VAV3: variants seen among roughly 807,000 people sequenced by gnomAD.
The protein encoded by VAV3 is vav guanine nucleotide exchange factor 3.
A neutral mutation model predicts 131.2 loss-of-function variants in VAV3; 94 were observed. That is an observed-to-expected ratio of 0.72 (90% confidence interval 0.61 to 0.85). The LOEUF is 0.85. Among genes scored for constraint, VAV3 ranks in the 40% least tolerant of loss-of-function variants. VAV3 has a pLI of 0.00. For synonymous variants in VAV3, 349 were observed against 342.0 expected (o/e 1.02, Z -0.22); for missense variants, 939 against 1,002.7 (o/e 0.94, Z 0.86).
intron 15 of VAV3, among the ~76,000 whole-genome samples, chr1:107,715,708 T>A (rs1661053249): frequency 6.6e-6 from 1 of 152,134 alleles, no homozygotes; most frequent in Admixed American, 6.6e-5. Flanking sequence ...GGTGGGGAGG[T>A]CTCAAAGTTC....
At chr1:107,662,124 T>C (rs545984654) in intron 19 of VAV3, among the ~76,000 whole-genome samples, 2 of 152,190 alleles carry the variant, frequency 1.3e-5, no homozygotes, top group Non-Finnish European at 2.9e-5. Context: ...AAAGAGGCTG[T>C]GTTATTTTTA....
chr1:107,613,617 TTAGTA>T (rs1652918866), intron 21 of VAV3, among the ~76,000 whole-genome samples: 1 of 152,146 alleles, frequency 6.6e-6, no homozygotes. Flanking sequence ...AATTTTGAAT[TTAGTA>T]TCTAAAATTC....
In VAV3 at chr1:107,770,712, T is replaced by C. The variant is rs61761614; in HGVS notation, c.572A>G (p.Asp191Gly). Residue 191 changes from aspartate (D) to glycine (G), a missense_variant, in exon 6 of 27, where the codon GAT (aspartate) becomes GGT (glycine). Asp to Gly is a moderately conservative substitution (Grantham distance 94). Coordinates refer to ENST00000370056, the MANE Select transcript of VAV3 (RefSeq NM_006113.5). ...TTCTGCTAGACAACAACTTCGTATA[T>C]CATTTTCTGGACATTTCTGCAGTTA... Reference protein sequence around the residue: ...EAHQPKCPENDIRSCCLAEIK... With the variant: ...EAHQPKCPENGIRSCCLAEIK... 2.5e-6 allele frequency: 4 copies of C among 1,611,480 alleles called. No individual in the cohort carries two copies. Among genetic ancestry groups the C allele is most frequent in the Admixed American group, 1.7e-5 (1 of 59,760 alleles).
intron 20 of VAV3, among the ~76,000 whole-genome samples, chr1:107,625,283 G>A (rs1653932206): frequency 6.7e-6 from 1 of 149,684 alleles, no homozygotes; most frequent in African/African-American, 2.5e-5. Context: ...TTTTGGGACG[G>A]CATCTCACTC....
intron 20 of VAV3, among the ~76,000 whole-genome samples, chr1:107,640,882 T>C (rs558476508): frequency 6.6e-6 from 1 of 152,170 alleles, no homozygotes; most frequent in African/African-American, 2.4e-5. Flanking sequence ...AGCATATTTA[T>C]ATACTATAGA....
intron 2 of VAV3, among the ~76,000 whole-genome samples, chr1:107,798,404 A>C (rs1397046197): frequency 6.6e-6 from 1 of 152,014 alleles, no homozygotes; most frequent in Admixed American, 6.6e-5. Flanking sequence ...TGTGCCTCCA[A>C]TAAGCAGGAT....
intron 3 of VAV3, 142 bp from the exon 4 acceptor site, chr1:107,777,438 T>C (rs1219858940): frequency 1.4e-6 from 1 of 738,464 alleles, no homozygotes; most frequent in Admixed American, 2.6e-5. Context: ...TCTAACAATA[T>C]CTAGGGCTTT....
intron 20 of VAV3, among the ~76,000 whole-genome samples, chr1:107,622,600 A>G (rs1358497698): frequency 6.6e-6 from 1 of 152,202 alleles, no homozygotes; most frequent in Non-Finnish European, 1.5e-5. Flanking sequence ...ACAGATGTGG[A>G]AAGCTGAATG....
At chr1:107,759,712 A>T (rs996389974) in intron 10 of VAV3, among the ~76,000 whole-genome samples, 1 of 152,180 alleles carries the variant, frequency 6.6e-6, no homozygotes, top group Non-Finnish European at 1.5e-5. Flanking sequence ...AAAAAAGTAT[A>T]GTTGTATTTT....
At chr1:107,788,206 G>A (rs1357864393) in intron 2 of VAV3, among the ~76,000 whole-genome samples, 1 of 151,980 alleles carries the variant, frequency 6.6e-6, no homozygotes, top group Non-Finnish European at 1.5e-5. Context: ...TACCATAGAG[G>A]TTGTATGACA....
chr1:107,946,481 T>G (rs1490140311), intron 1 of VAV3, among the ~76,000 whole-genome samples: 1 of 152,232 alleles, frequency 6.6e-6, no homozygotes, highest in Non-Finnish European at 1.5e-5. Context: ...ACTGTTTCTC[T>G]GCACACTATC....
chr1:107,785,467 G>GA (rs1258167408), intron 2 of VAV3: 30 of 1,327,034 alleles, frequency 2.3e-5, no homozygotes, highest in Non-Finnish European at 3.0e-5. Context: ...CAGGGAGGTG[G>GA]GCTCTGCAAG....
At chr1:107,941,254 T>A (rs1362542447) in intron 1 of VAV3, among the ~76,000 whole-genome samples, 5 of 152,202 alleles carry the variant, frequency 3.3e-5, no homozygotes, top group Non-Finnish European at 7.3e-5. Flanking sequence ...CTGAGTCCCA[T>A]GTTTCTAGTA....
intron 2 of VAV3, among the ~76,000 whole-genome samples, chr1:107,821,802 C>T (rs116246628): frequency 0.027 from 4,129 of 152,194 alleles, 81 homozygotes; most frequent in African/African-American, 0.058. Flanking sequence ...GTAATGTAAC[C>T]GAAATGCAGG....
chr1:107,948,143 C>A (rs1316807513), intron 1 of VAV3, among the ~76,000 whole-genome samples: 1 of 152,120 alleles, frequency 6.6e-6, no homozygotes, highest in African/African-American at 2.4e-5. Flanking sequence ...TTTTTCAATG[C>A]TTTTTCAATT....
intron 19 of VAV3, among the ~76,000 whole-genome samples, chr1:107,673,358 G>A (rs1657961242): frequency 6.6e-6 from 1 of 152,074 alleles, no homozygotes; most frequent in Non-Finnish European, 1.5e-5. Flanking sequence ...TTCTCTTTGT[G>A]AATGGCTCTC....
intron 2 of VAV3, among the ~76,000 whole-genome samples, chr1:107,840,173 T>C (rs1229745615): frequency 6.6e-6 from 1 of 152,202 alleles, no homozygotes; most frequent in African/African-American, 2.4e-5. Context: ...GTTTTGCTGT[T>C]AGCCTGTAAA....
chr1:107,794,713 G>T (rs1192287684), intron 2 of VAV3, among the ~76,000 whole-genome samples: 2 of 152,100 alleles, frequency 1.3e-5, no homozygotes, highest in African/African-American at 2.4e-5. Context: ...TCTGGGTCTT[G>T]GGTATTTTGC....
chr1:107,751,337 A>T, intron 12 of VAV3, 135 bp from the exon 13 acceptor site: 2 of 708,794 alleles, frequency 2.8e-6, no homozygotes, highest in East Asian at 2.8e-5. Context: ...TTTAAAGCAT[A>T]CTTACTCTAA....
Sources: allele counts gnomAD v4.1 joint callset (sites outside exome capture counted in the v4.1 genomes callset), GRCh38; gene constraint gnomAD v4.1.1; transcripts MANE v1.5; gene names NCBI Gene and HGNC (gene_info 2026-07-23, HGNC 2026-07-21).